Variants in NRXN1 observed in about 807,000 individuals in gnomAD.
NRXN1 encodes the protein neurexin-1.
In NRXN1, 39 loss-of-function variants were observed where a neutral mutation model predicts 150.9. The observed-to-expected ratio is 0.26, with a 90% confidence interval of 0.20 to 0.34. NRXN1 has a LOEUF of 0.34. Among genes scored for constraint, NRXN1 ranks in the 10% least tolerant of loss-of-function variants. The pLI, the probability that NRXN1 is intolerant of heterozygous loss-of-function variation, is 1.00. For synonymous variants in NRXN1, 924 were observed against 757.0 expected (o/e 1.22, Z -3.62); for missense variants, 1,815 against 1,949.9 (o/e 0.93, Z 1.30).
At chr2:50,330,990 GT>G (rs2076801415) in intron 17 of NRXN1, among the ~76,000 whole-genome samples, 1 of 151,986 alleles carries the variant, frequency 6.6e-6, no homozygotes, top group Non-Finnish European at 1.5e-5. Flanking sequence ...TTCTAGGGGT[GT>G]TTTTGTCATC....
intron 17 of NRXN1, among the ~76,000 whole-genome samples, chr2:50,434,122 G>A (rs368843428): frequency 2.9e-5 from 4 of 137,576 alleles, no homozygotes; most frequent in East Asian, 2.3e-4. Flanking sequence ...AATGGCTGGC[G>A]CATCTCCGCT....
At chr2:50,701,058 AC>A (rs1364512594) in intron 5 of NRXN1, among the ~76,000 whole-genome samples, 2 of 152,130 alleles carry the variant, frequency 1.3e-5, no homozygotes, top group African/African-American at 4.8e-5. Context: ...CTAGTTAGAC[AC>A]CCTGCTCTTT....
intron 8 of NRXN1, among the ~76,000 whole-genome samples, chr2:50,578,997 T>A (rs1404663985): frequency 2.6e-5 from 4 of 152,166 alleles, no homozygotes. Context: ...AGCACACATT[T>A]CATTTTCAGA....
intron 5 of NRXN1, among the ~76,000 whole-genome samples, chr2:50,645,893 C>G (rs1684749577): frequency 6.6e-6 from 1 of 151,878 alleles, no homozygotes; most frequent in Admixed American, 6.6e-5. Context: ...TAGTAAATCA[C>G]ACATTAAACA....
chr2:50,089,520 C>G (rs1025331448), intron 19 of NRXN1, among the ~76,000 whole-genome samples: 1 of 152,158 alleles, frequency 6.6e-6, no homozygotes, highest in African/African-American at 2.4e-5. Context: ...GGCATGGTGG[C>G]TCATGCCTGT....
chr2:50,606,334 A>G (rs1344079472), intron 8 of NRXN1, among the ~76,000 whole-genome samples: 1 of 151,846 alleles, frequency 6.6e-6, no homozygotes, highest in Non-Finnish European at 1.5e-5. Flanking sequence ...CAAGTGAATA[A>G]GCCAGTCACA....
chr2:50,859,858 G>C (rs942587307), intron 5 of NRXN1, among the ~76,000 whole-genome samples: 3 of 151,488 alleles, frequency 2.0e-5, no homozygotes, highest in Non-Finnish European at 4.4e-5. Flanking sequence ...GTGTGTGTGT[G>C]TGTGTGTGCA....
chr2:50,457,897 G>A (rs140085370), intron 17 of NRXN1, among the ~76,000 whole-genome samples: 1 of 152,080 alleles, frequency 6.6e-6, no homozygotes, highest in Admixed American at 6.6e-5. Context: ...ATGTGAATTA[G>A]TACAACCACT....
At chr2:50,150,912 C>G (rs1354077135) in intron 18 of NRXN1, among the ~76,000 whole-genome samples, 1 of 151,718 alleles carries the variant, frequency 6.6e-6, no homozygotes, top group Non-Finnish European at 1.5e-5. Flanking sequence ...GGGTACCTCA[C>G]TTAGCCCACT....
chr2:50,201,620 G>C (rs2152833890), intron 18 of NRXN1, among the ~76,000 whole-genome samples: 1 of 152,286 alleles, frequency 6.6e-6, no homozygotes, highest in South Asian at 2.1e-4. Flanking sequence ...ATTAGGAAAA[G>C]AAGGTGTACT....
intron 5 of NRXN1, among the ~76,000 whole-genome samples, chr2:50,742,084 T>G (rs1256817518): frequency 6.6e-6 from 1 of 152,172 alleles, no homozygotes; most frequent in African/African-American, 2.4e-5. Context: ...TTATGAATAT[T>G]CAATCAATCA....
In NRXN1 at chr2:50,264,109, T is replaced by C. The variant is rs536282278; in HGVS notation, c.3365-27139A>G. ...TGATTACTATCTTATGCAGTAGGAC[T>C]GTGCAATCTAAGACTTATCAATTAA... On this transcript the variant is annotated intron_variant, in intron 17 of 22. Transcript: ENST00000401669. Among the ~76,000 whole-genome samples, 30 of 152,280 alleles carry C rather than the reference T, an allele frequency of 2.0e-4. No individual in the cohort carries two copies. In the South Asian group the frequency reaches 5.6e-3, roughly 28 times the overall value.
In NRXN1 at chr2:49,961,320, G is replaced by GCACACACA. The variant is rs71401054; in HGVS notation, c.4129-17537_4129-17530dup. Among the ~76,000 whole-genome samples the GCACACACA allele has an allele frequency of 4.0e-3, 578 of 145,856 alleles. 4 individuals carry two copies. Among genetic ancestry groups the GCACACACA allele is most frequent in the African/African-American group, 0.014 (545 of 40,044 alleles). On this transcript the variant is annotated intron_variant, in intron 21 of 22. Coordinates refer to ENST00000401669, the MANE Select transcript of NRXN1 (RefSeq NM_001330078.2). The stretch of plus-strand genomic sequence containing the variant: ...TCTTCCAAAATGCCTGCGCACGCAT[G>GCACACACA]CACACACACACACACACACACACAC...
intron 17 of NRXN1, among the ~76,000 whole-genome samples, chr2:50,374,981 A>T (rs2080375748): frequency 1.3e-5 from 2 of 152,162 alleles, no homozygotes; most frequent in African/African-American, 4.8e-5. Context: ...TACTAAATGG[A>T]TCAAAAGAAA....
intron 2 of NRXN1, among the ~76,000 whole-genome samples, chr2:50,926,803 G>A (rs1165565083): frequency 1.3e-5 from 2 of 151,602 alleles, no homozygotes; most frequent in Non-Finnish European, 2.9e-5. Context: ...CATATATTTT[G>A]TTAGTCATAT....
chr2:50,404,758 T>A (rs1461236636), intron 17 of NRXN1, among the ~76,000 whole-genome samples: 4 of 152,080 alleles, frequency 2.6e-5, no homozygotes, highest in Admixed American at 2.6e-4. Flanking sequence ...ACATTAAGGA[T>A]CAGGAAAAAG....
At chr2:50,219,692 A>T (rs562376469) in intron 18 of NRXN1, among the ~76,000 whole-genome samples, 1 of 150,438 alleles carries the variant, frequency 6.6e-6, no homozygotes, top group Non-Finnish European at 1.5e-5. Flanking sequence ...TTAGAGACCA[A>T]CCTGGGCAAC....
At chr2:50,017,119 T>C (rs778721214) in intron 21 of NRXN1, among the ~76,000 whole-genome samples, 2 of 152,180 alleles carry the variant, frequency 1.3e-5, no homozygotes, top group Non-Finnish European at 2.9e-5. Context: ...TGCACTATAA[T>C]TGTGTAAACT....
At chr2:50,209,484 G>C (rs1013001779) in intron 18 of NRXN1, among the ~76,000 whole-genome samples, 2 of 152,024 alleles carry the variant, frequency 1.3e-5, no homozygotes, top group African/African-American at 4.8e-5. Flanking sequence ...CTGAGGTTGA[G>C]GAATTAAGTA....
Sources: allele counts gnomAD v4.1 joint callset (sites outside exome capture counted in the v4.1 genomes callset), GRCh38; gene constraint gnomAD v4.1.1; transcripts MANE v1.5; gene names NCBI Gene and HGNC (gene_info 2026-07-23, HGNC 2026-07-21).